The following SLC22A15 variants were observed in gnomAD, a reference collection of about 807,000 sequenced individuals.
SLC22A15 encodes the protein solute carrier family 22 member 15, also known as flipt 1.
A neutral mutation model predicts 62.7 loss-of-function variants in SLC22A15; 45 were observed. The ratio of observed to expected loss-of-function variants is 0.72; its 90% CI spans 0.56 to 0.92. The LOEUF is 0.92. SLC22A15 is among the 40% of genes least tolerant of loss of function. The pLI is 0.00. For missense variants in SLC22A15, 622 were observed against 665.6 expected (o/e 0.93, Z 0.72); for synonymous variants, 264 against 267.0 (o/e 0.99, Z 0.11).
chr1:116,030,672 T>C (rs528627671), intron 5 of SLC22A15, among the ~76,000 whole-genome samples: 4 of 152,292 alleles, frequency 2.6e-5, no homozygotes, highest in South Asian at 4.1e-4. Flanking sequence ...TAACTAGAAG[T>C]TGGTCAGGAA....
At chr1:116,064,854 A>G (rs1658460381) in intron 10 of SLC22A15, among the ~76,000 whole-genome samples, 1 of 152,088 alleles carries the variant, frequency 6.6e-6, no homozygotes. Flanking sequence ...ATATCATCAC[A>G]TGCAGTCCTC....
chr1:116,037,380 A>G lies in SLC22A15; in HGVS notation c.1163A>G (p.Glu388Gly). 1 of 1,612,520 alleles carries G rather than the reference A, an allele frequency of 6.2e-7. No individual in the cohort carries two copies. Among genetic ancestry groups the G allele is most frequent in the East Asian group, 2.2e-5 (1 of 44,836 alleles). ...TGTCTTATTGTAATGTTTCTTCCAG[A>G]AAAGAAAGGTATGCCTTTCAAATTT... ...LACLIVMFLP[E>G]KKDTGVFAVV... Residue 388 changes from glutamate (E) to glycine (G), a missense_variant, in exon 8 of 12, where the codon GAA (glutamate) becomes GGA (glycine). By Grantham distance (98) the Glu-to-Gly change is moderately conservative. Coordinates refer to ENST00000369503, the MANE Select transcript of SLC22A15 (RefSeq NM_018420.3).
chr1:116,027,308 C>T (rs750061128), intron 5 of SLC22A15: 7 of 556,018 alleles, frequency 1.3e-5, no homozygotes, highest in African/African-American at 1.1e-4. Flanking sequence ...AACCTAATAC[C>T]TCAACCTTAA....
At chr1:115,985,818 G>A (rs1190087054) in intron 1 of SLC22A15, among the ~76,000 whole-genome samples, 1 of 151,646 alleles carries the variant, frequency 6.6e-6, no homozygotes, top group Non-Finnish European at 1.5e-5. Context: ...GTGGTGGCGG[G>A]TGCCTGTAAT....
intron 8 of SLC22A15, among the ~76,000 whole-genome samples, chr1:116,058,584 A>G (rs1185811860): frequency 6.6e-6 from 1 of 152,186 alleles, no homozygotes; most frequent in Non-Finnish European, 1.5e-5. Flanking sequence ...TAAAAGTAAA[A>G]CTACCATTTG....
chr1:116,057,067 A>G (rs1189381666), intron 8 of SLC22A15, among the ~76,000 whole-genome samples: 2 of 152,096 alleles, frequency 1.3e-5, no homozygotes, highest in Admixed American at 1.3e-4. Context: ...GGATCTAATT[A>G]AACTAAAGAG....
intron 8 of SLC22A15, among the ~76,000 whole-genome samples, chr1:116,060,507 CA>C (rs1269857841): frequency 6.6e-6 from 1 of 152,170 alleles, no homozygotes. Context: ...TCAAGGATGG[CA>C]GTTCTTTAGC....
At chr1:116,004,798 T>A (rs1238692817) in intron 2 of SLC22A15, among the ~76,000 whole-genome samples, 1 of 152,204 alleles carries the variant, frequency 6.6e-6, no homozygotes, top group Non-Finnish European at 1.5e-5. Context: ...TGAAATTATC[T>A]GTACCTGTAG....
intron 8 of SLC22A15, among the ~76,000 whole-genome samples, chr1:116,055,263 G>A (rs1460805069): frequency 2.6e-5 from 4 of 152,056 alleles, no homozygotes; most frequent in South Asian, 2.1e-4. Flanking sequence ...ACCATCAGAG[G>A]ATACTACAAA....
chr1:115,996,497 A>G (rs1002649586), intron 2 of SLC22A15, among the ~76,000 whole-genome samples: 5 of 151,494 alleles, frequency 3.3e-5, no homozygotes, highest in African/African-American at 1.2e-4. Context: ...AATGTTTCAT[A>G]TCTTTACTAT....
intron 8 of SLC22A15, among the ~76,000 whole-genome samples, chr1:116,046,296 T>C (rs1657928507): frequency 6.6e-6 from 1 of 152,102 alleles, no homozygotes; most frequent in Admixed American, 6.6e-5. Flanking sequence ...AAAGACTCTA[T>C]TACAGAAATG....
At chr1:116,053,717 T>C (rs1423355904) in intron 8 of SLC22A15, among the ~76,000 whole-genome samples, 6 of 152,152 alleles carry the variant, frequency 3.9e-5, no homozygotes, top group African/African-American at 1.4e-4. Flanking sequence ...TGGCAGAAAC[T>C]CTACAAGCCA....
intron 10 of SLC22A15, among the ~76,000 whole-genome samples, chr1:116,065,412 G>A (rs867047724): frequency 3.3e-5 from 5 of 152,160 alleles, no homozygotes; most frequent in African/African-American, 1.2e-4. Flanking sequence ...TATAGGTACT[G>A]TTAGAGATAT....
chr1:116,049,896 A>G (rs1330544248), intron 8 of SLC22A15, among the ~76,000 whole-genome samples: 1 of 152,238 alleles, frequency 6.6e-6, no homozygotes, highest in Non-Finnish European at 1.5e-5. Flanking sequence ...AACCTCATTA[A>G]GAAATGATAC....
chr1:116,011,769 C>T (rs1045301773), intron 2 of SLC22A15, among the ~76,000 whole-genome samples: 6 of 151,390 alleles, frequency 4.0e-5, no homozygotes, highest in African/African-American at 7.3e-5. Context: ...GAATAGTTCA[C>T]GGGGGAGGAG....
At chr1:115,978,333 T>C (rs1018066386) in intron 1 of SLC22A15, among the ~76,000 whole-genome samples, 1 of 152,200 alleles carries the variant, frequency 6.6e-6, no homozygotes, top group African/African-American at 2.4e-5. Flanking sequence ...TTAGGACCTG[T>C]TAAGTTTCTC....
intron 5 of SLC22A15, 105 bp downstream of exon 5, chr1:116,027,127 C>T (rs1376522041): frequency 1.8e-6 from 2 of 1,135,388 alleles, no homozygotes; most frequent in Non-Finnish European, 2.6e-6. Context: ...AGCTTGCCTG[C>T]ACTGACTTTG....
chr1:115,997,655 C>A (rs901101425), intron 2 of SLC22A15, among the ~76,000 whole-genome samples: 1 of 151,954 alleles, frequency 6.6e-6, no homozygotes, highest in African/African-American at 2.4e-5. Flanking sequence ...CATTTTGTAT[C>A]CTGCAAGTTT....
intron 1 of SLC22A15, among the ~76,000 whole-genome samples, chr1:115,989,775 C>T (rs1655059120): frequency 2.2e-5 from 1 of 44,708 alleles, no homozygotes; most frequent in Non-Finnish European, 4.5e-5. Context: ...GAGTGAAACT[C>T]AGTCTCAAAA....
Sources: allele counts gnomAD v4.1 joint callset (sites outside exome capture counted in the v4.1 genomes callset), GRCh38; gene constraint gnomAD v4.1.1; transcripts MANE v1.5; gene names NCBI Gene and HGNC (gene_info 2026-07-23, HGNC 2026-07-21).